Variants in RIOK3 observed in about 807,000 individuals in gnomAD.
RIOK3 encodes RIO kinase 3, also known as serine/threonine-protein kinase RIO3.
In RIOK3, 40 loss-of-function variants were observed where a neutral mutation model predicts 63.5. The ratio of observed to expected loss-of-function variants is 0.63; its 90% CI spans 0.49 to 0.82. RIOK3 has a LOEUF of 0.82. Among genes scored for constraint, RIOK3 ranks in the 40% least tolerant of loss-of-function variants. The probability of loss-of-function intolerance (pLI) is 0.00; values close to 1 mark genes in which losing one functional copy is unlikely to be tolerated. For synonymous variants in RIOK3, 193 were observed against 205.0 expected (o/e 0.94, Z 0.50); for missense variants, 557 against 637.0 (o/e 0.87, Z 1.35).
intron 1 of RIOK3, among the ~76,000 whole-genome samples, chr18:23,455,618 C>T (rs1326952906): frequency 6.6e-6 from 1 of 151,874 alleles, no homozygotes; most frequent in Non-Finnish European, 1.5e-5. Flanking sequence ...GTCTCGATCT[C>T]CTGACCTCGT....
intron 1 of RIOK3, among the ~76,000 whole-genome samples, chr18:23,455,770 A>G (rs1033079845): frequency 6.6e-6 from 1 of 151,818 alleles, no homozygotes; most frequent in Non-Finnish European, 1.5e-5. Context: ...GATTAGCTGG[A>G]CTACAGGCCA....
intron 7 of RIOK3, among the ~76,000 whole-genome samples, chr18:23,471,190 G>A (rs192362765): frequency 6.6e-6 from 1 of 152,326 alleles, no homozygotes; most frequent in African/African-American, 2.4e-5. Flanking sequence ...AAAATAGGAT[G>A]ATGTCATAGT....
rs1373014673 is a variant in RIOK3 at position 23,482,107 on chromosome 18, TAATG to T, written c.*831_*834del. 1.4e-4 allele frequency: 22 copies of T among 152,356 alleles called. No homozygotes were observed. Among genetic ancestry groups the T allele is most frequent in the African/African-American group, 2.4e-4 (10 of 41,584 alleles). 9.4% of individuals were successfully genotyped at this position (152,356 alleles called of 1,614,324 possible). ...CATGTTTGACGTATTTTAATTTAGT[TAATG>T]AAGCAAAATTCAGTTTATATTTCAC... On this transcript the variant is annotated 3_prime_UTR_variant, in exon 13 of 13. Coordinates refer to ENST00000339486, the MANE Select transcript of RIOK3 (RefSeq NM_003831.5).
At position 23,481,537 on chromosome 18, in the gene RIOK3, C is replaced by G; in HGVS notation, c.*258C>G. On this transcript the variant is annotated 3_prime_UTR_variant, in exon 13 of 13. Coordinates refer to ENST00000339486, the MANE Select transcript of RIOK3 (RefSeq NM_003831.5). ...CTATAGGTTATCTGGCTGAAGTAGA[C>G]CTAATTTTATGTGACTTGTGGTGTA... is the stretch of plus-strand genomic sequence containing the variant. The G allele has an allele frequency of 3.1e-6, 1 of 326,940 alleles. No homozygotes were observed. The highest frequency in any genetic ancestry group is 5.5e-6 in the Non-Finnish European group (1 of 180,994). The allele number at this position is 326,940 out of a possible 1,614,324, so 20.3% of individuals were successfully genotyped here. A position where few individuals can be genotyped will look rare whatever the true frequency, so the allele number is the denominator to read the frequency against.
Position 23,466,291 on chromosome 18 carries a change from AT to A in RIOK3, c.687+26del, listed in dbSNP as rs34308695. The A allele has an allele frequency of 0.16, 203,568 of 1,255,108 alleles. 16,542 individuals are homozygous for A. The highest frequency in any genetic ancestry group is 0.43 in the East Asian group (16,248 of 37,646). The allele number at this position is 1,255,108 out of a possible 1,614,324, so 77.7% of individuals were successfully genotyped here. On this transcript the variant is annotated intron_variant, in intron 6 of 12. Transcript: ENST00000339486. ...ATTCTACAGCAGTAAGGATTTATAG[AT>A]TTTTTTTTTTCTTTTTTACTAGAAA...
At chr18:23,476,882 A>T in intron 9 of RIOK3, 124 bp from the exon 10 acceptor site, 2 of 710,918 alleles carry the variant, frequency 2.8e-6, no homozygotes, top group African/African-American at 1.8e-5. Context: ...ACTGCACTCC[A>T]GCCTGGGCGA....
At chr18:23,470,021 C>T (rs540990932) in intron 7 of RIOK3, among the ~76,000 whole-genome samples, 10 of 151,992 alleles carry the variant, frequency 6.6e-5, no homozygotes, top group African/African-American at 1.7e-4. Flanking sequence ...ATAGGAATAG[C>T]GAATAGAACA....
chr18:23,482,803 A>T lies in RIOK3; in HGVS notation c.*1524A>T, dbSNP rs568814165. The T allele has an allele frequency of 6.6e-6, 1 of 152,180 alleles. No homozygotes were observed. The highest frequency in any genetic ancestry group is 1.5e-5 in the Non-Finnish European group (1 of 68,016). 9.4% of individuals were successfully genotyped at this position (152,180 alleles called of 1,614,324 possible). ...ATTTGAGAAAGCTGTTTTTAACATTATTTTAAAATGCCAAATATGTTCTTT... is the reference window on the plus strand; with the variant it reads ...ATTTGAGAAAGCTGTTTTTAACATTTTTTTAAAATGCCAAATATGTTCTTT... On this transcript the variant is annotated 3_prime_UTR_variant, in exon 13 of 13. Transcript: ENST00000339486.
rs773688065 is a variant in RIOK3, at chr18:23,463,971, G to T, written c.184G>T (p.Ala62Ser). The change falls in exon 3 of 13, where the codon GCT becomes TCT. Residue 62 changes from alanine to serine, a missense_variant. Physicochemically the swap from Ala to Ser is moderately conservative, Grantham distance 99 (BLOSUM62 1). Coordinates refer to ENST00000339486, the MANE Select transcript of RIOK3 (RefSeq NM_003831.5). Reference protein sequence around the residue: ...EAAVFPEVAVAEGPFITGENI... With the variant: ...EAAVFPEVAVSEGPFITGENI... ...ATATTGCCTTATTTTGAATAGTGTT[G>T]CTGAAGGACCATTTATTACTGGAGA... is the stretch of plus-strand genomic sequence containing the variant. The T allele has an allele frequency of 6.2e-7, 1 of 1,603,058 alleles. No homozygotes were observed. The highest frequency in any genetic ancestry group is 8.5e-7 in the Non-Finnish European group (1 of 1,176,772).
chr18:23,468,595 G>A (rs533372320), intron 7 of RIOK3, among the ~76,000 whole-genome samples: 26 of 152,148 alleles, frequency 1.7e-4, no homozygotes, highest in African/African-American at 6.0e-4. Context: ...GAGCCACTGC[G>A]CCTGGCCTGG....
chr18:23,469,330 T>TCC (rs1378877467), intron 7 of RIOK3, among the ~76,000 whole-genome samples: 1 of 24,032 alleles, frequency 4.2e-5, no homozygotes, highest in Non-Finnish European at 7.3e-5. Context: ...TCTCTCTCTC[T>TCC]CTCTCTCCCC....
At chr18:23,477,814 A>G (rs1220778952) in intron 11 of RIOK3, among the ~76,000 whole-genome samples, 1 of 151,532 alleles carries the variant, frequency 6.6e-6, no homozygotes, top group East Asian at 1.9e-4. Flanking sequence ...TCATGCCTGT[A>G]ATCCCAGCAC....
At chr18:23,480,555 G>GCGCGCACACACACACA (rs779698307) in intron 12 of RIOK3, among the ~76,000 whole-genome samples, 4 of 142,096 alleles carry the variant, frequency 2.8e-5, no homozygotes, top group East Asian at 4.2e-4. Context: ...TTGGATGCAC[G>GCGCGCACACACACACA]CACACACACA....
intron 1 of RIOK3, among the ~76,000 whole-genome samples, chr18:23,459,117 A>G (rs909238488): frequency 2.6e-5 from 4 of 152,172 alleles, no homozygotes; most frequent in African/African-American, 7.2e-5. Flanking sequence ...GAGTAGATCA[A>G]TCTCTGCCTC....
In RIOK3 at chr18:23,477,177, A is replaced by T. The variant is rs562960386; in HGVS notation, c.1255-2A>T. ...ATCAGTTCATGTTCTGTATTGAAAT[A>T]GGTCTGGTTGATCGATGTCAGTCAG... On this transcript the variant is annotated splice_acceptor_variant, in intron 10 of 12. Coordinates refer to ENST00000339486, the MANE Select transcript of RIOK3 (RefSeq NM_003831.5). LOFTEE classifies it high-confidence loss of function. 1 of 1,613,826 alleles carries T rather than the reference A, an allele frequency of 6.2e-7. No homozygotes were observed. Among genetic ancestry groups the T allele is most frequent in the East Asian group, 2.2e-5 (1 of 44,890 alleles).
chr18:23,475,394 T>C (rs2057482888), intron 9 of RIOK3, among the ~76,000 whole-genome samples: 1 of 143,284 alleles, frequency 7.0e-6, no homozygotes, highest in Admixed American at 7.6e-5. Context: ...ACCAGGGAGG[T>C]AGAGGTTGCA....
intron 1 of RIOK3, among the ~76,000 whole-genome samples, chr18:23,459,904 G>A (rs2057363631): frequency 6.6e-6 from 1 of 152,192 alleles, no homozygotes; most frequent in African/African-American, 2.4e-5. Context: ...ATGTTGACCA[G>A]ACTGGTCTCG....
intron 11 of RIOK3, 150 bp downstream of exon 11, chr18:23,477,418 T>C: frequency 1.5e-6 from 1 of 666,324 alleles, no homozygotes; most frequent in South Asian, 1.7e-5. Flanking sequence ...AAGATCAATT[T>C]GTCATATTTC....
chr18:23,465,136 C>T (rs1395999901), intron 5 of RIOK3, among the ~76,000 whole-genome samples: 2 of 152,128 alleles, frequency 1.3e-5, no homozygotes, highest in Admixed American at 1.3e-4. Flanking sequence ...TTTTGGGATG[C>T]CGAGGTGGGC....
Sources: allele counts gnomAD v4.1 joint callset (sites outside exome capture counted in the v4.1 genomes callset), GRCh38; gene constraint gnomAD v4.1.1; transcripts MANE v1.5; gene names NCBI Gene and HGNC (gene_info 2026-07-23, HGNC 2026-07-21).